Variants in STXBP5 observed in about 807,000 individuals in gnomAD.
STXBP5 encodes the protein syntaxin binding protein 5, also known as syntaxin-binding protein 5.
In STXBP5, 50 loss-of-function variants were observed where a neutral mutation model predicts 152.4. That is an observed-to-expected ratio of 0.33 (90% CI 0.26 to 0.42). The LOEUF is 0.42. STXBP5 is among the 10% of genes least tolerant of loss of function. The probability of loss-of-function intolerance (pLI) is 1.00; values close to 1 mark genes in which losing one functional copy is unlikely to be tolerated. For missense variants in STXBP5, 1,167 were observed against 1,388.6 expected (o/e 0.84, Z 2.54); for synonymous variants, 492 against 494.7 (o/e 0.99, Z 0.07).
chr6:147,339,943 T>A (rs1433689528), intron 21 of STXBP5, among the ~76,000 whole-genome samples: 1 of 152,104 alleles, frequency 6.6e-6, no homozygotes, highest in Non-Finnish European at 1.5e-5. Context: ...GATGAATTGC[T>A]CAGTCCAAAG....
At position 147,276,288 on chromosome 6, in the gene STXBP5, G is replaced by A. The variant is rs146443360; in HGVS notation, c.715-1793G>A. Among the ~76,000 whole-genome samples the A allele has an allele frequency of 2.7e-3, 417 of 152,166 alleles. 1 individual carries two copies. Among genetic ancestry groups the A allele is most frequent in the African/African-American group, 9.4e-3 (392 of 41,508 alleles). On this transcript the variant is annotated intron_variant, in intron 7 of 27. Transcript: ENST00000321680. The stretch of plus-strand genomic sequence containing the variant: ...AGTAAATACTGCATGTTTGTTGCAT[G>A]TCCATATTTGGTTATTTCTTTGCTT...
chr6:147,230,555 G>A (rs1346463944), intron 2 of STXBP5, among the ~76,000 whole-genome samples: 2 of 151,886 alleles, frequency 1.3e-5, no homozygotes, highest in Admixed American at 6.6e-5. Flanking sequence ...GTACCCAGTT[G>A]TGAAACGTTG....
At chr6:147,381,495 T>TA (rs1393334881) in intron 26 of STXBP5, among the ~76,000 whole-genome samples, 5 of 152,074 alleles carry the variant, frequency 3.3e-5, no homozygotes, top group African/African-American at 4.8e-5. Flanking sequence ...AAATTAAACA[T>TA]ACAGTTATCA....
At chr6:147,247,082 T>TA (rs1484496707) in intron 4 of STXBP5, among the ~76,000 whole-genome samples, 3 of 152,324 alleles carry the variant, frequency 2.0e-5, no homozygotes, top group Admixed American at 2.0e-4. Flanking sequence ...GACATAACCT[T>TA]AGACAGTTAT....
chr6:147,213,356 C>T (rs1445844692), intron 2 of STXBP5, among the ~76,000 whole-genome samples: 4 of 150,684 alleles, frequency 2.7e-5, no homozygotes, highest in Non-Finnish European at 5.9e-5. Context: ...CGGGCTCAAA[C>T]GATCTTCCTG....
chr6:147,268,620 A>G (rs1304043738), intron 7 of STXBP5, among the ~76,000 whole-genome samples: 2 of 152,194 alleles, frequency 1.3e-5, no homozygotes, highest in African/African-American at 4.8e-5. Context: ...TACAGTTCCT[A>G]TCATTTCTGT....
rs921249658 is a variant in STXBP5 at position 147,204,975 on chromosome 6, A to G, written c.150+293A>G. ...CCTTTAATCGTATTCTGACACTGCC[A>G]GTAATAACCTGGAAGCTTTTATATT... On this transcript the variant is annotated intron_variant, in intron 1 of 27. Coordinates refer to ENST00000321680, the MANE Select transcript of STXBP5 (RefSeq NM_001127715.4). This position sits in a 1 kb window ranked among gnomAD's most constrained non-coding sequence, Gnocchi z 4.3. 6.6e-6 allele frequency among the ~76,000 whole-genome samples: 1 copy of G among 152,184 alleles called. No individual in the cohort carries two copies. Among genetic ancestry groups the G allele is most frequent in the African/African-American group, 2.4e-5 (1 of 41,446 alleles).
chr6:147,277,644 A>G (rs1032626812), intron 7 of STXBP5, among the ~76,000 whole-genome samples: 7 of 152,254 alleles, frequency 4.6e-5, no homozygotes, highest in Admixed American at 1.3e-4. Context: ...ATTGATCTTA[A>G]TTCCAAATCT....
In STXBP5 at chr6:147,387,565, G is replaced by A. The variant is rs1786400441; in HGVS notation, c.*2810G>A. ...GAAATCTTATATTCTGACAAATTCT[G>A]TACATTACATCCATTTGAAGTTTTG... On this transcript the variant is annotated 3_prime_UTR_variant, in exon 28 of 28. Coordinates refer to ENST00000321680, the MANE Select transcript of STXBP5 (RefSeq NM_001127715.4). 1.3e-5 allele frequency: 2 copies of A among 151,698 alleles called. No individual in the cohort carries two copies. Among genetic ancestry groups the A allele is most frequent in the African/African-American group, 4.8e-5 (2 of 41,374 alleles). 9.4% of individuals were successfully genotyped at this position (151,698 alleles called of 1,614,324 possible). A position where few individuals can be genotyped will look rare whatever the true frequency, so the allele number is the denominator to read the frequency against.
At position 147,386,340 on chromosome 6, in the gene STXBP5, A is replaced by T. The variant is rs898562351; in HGVS notation, c.*1585A>T. ...GATGGTTGTTTTTCTATTCTATATG[A>T]TCATTAAAGGAATATGTAGGACATC... On this transcript the variant is annotated 3_prime_UTR_variant, in exon 28 of 28. Coordinates refer to ENST00000321680, the MANE Select transcript of STXBP5 (RefSeq NM_001127715.4). 1 of 151,858 alleles carries T rather than the reference A, an allele frequency of 6.6e-6. No homozygotes were observed. The highest frequency in any genetic ancestry group is 2.4e-5 in the African/African-American group (1 of 41,408). 9.4% of individuals were successfully genotyped at this position (151,858 alleles called of 1,614,324 possible).
Position 147,228,419 on chromosome 6 carries a change from A to G in STXBP5, c.249-6831A>G, listed in dbSNP as rs551827371. ...TTTTTTTTGTTTCTTTTTACCTGGAAGTCTGTAGGAAGCCTTAAGGAACAT... is the reference window on the plus strand; with the variant it reads ...TTTTTTTTGTTTCTTTTTACCTGGAGGTCTGTAGGAAGCCTTAAGGAACAT... On this transcript the variant is annotated intron_variant, in intron 2 of 27. Transcript: ENST00000321680. 1.2e-3 allele frequency among the ~76,000 whole-genome samples: 180 copies of G among 152,000 alleles called. 2 individuals carry two copies. The highest frequency in any genetic ancestry group is 4.1e-3 in the African/African-American group (171 of 41,462).
Position 147,360,151 on chromosome 6 carries a change from G to A in STXBP5, c.2545+828G>A, listed in dbSNP as rs1036647347. Among the ~76,000 whole-genome samples, 3 of 152,076 alleles carry A rather than the reference G, an allele frequency of 2.0e-5. No individual in the cohort carries two copies. The East Asian group carries it at 5.8e-4, about 29-fold the overall frequency. ...TCATTAAAAAGTCAGGAAACAACAG[G>A]TGCTGGAGAGGATGTGGAGAAATAG... is the stretch of plus-strand genomic sequence containing the variant. On this transcript the variant is annotated intron_variant, in intron 23 of 27. Coordinates refer to ENST00000321680, the MANE Select transcript of STXBP5 (RefSeq NM_001127715.4).
chr6:147,229,535 A>G (rs1777889738), intron 2 of STXBP5, among the ~76,000 whole-genome samples: 2 of 151,756 alleles, frequency 1.3e-5, no homozygotes. Flanking sequence ...TCATTTATTT[A>G]GGGTTTCTTT....
At chr6:147,292,534 A>G (rs1399209837) in intron 9 of STXBP5, 1 of 154,244 alleles carries the variant, frequency 6.5e-6, no homozygotes, top group African/African-American at 2.4e-5. Context: ...CCATTTTTTT[A>G]AGGAAATCCC....
At chr6:147,296,734 A>G (rs1397419880) in intron 9 of STXBP5, among the ~76,000 whole-genome samples, 2 of 152,204 alleles carry the variant, frequency 1.3e-5, no homozygotes, top group East Asian at 3.9e-4. Context: ...ACAATTCAAC[A>G]AAATCAGAAA....
chr6:147,341,749 A>G (rs1562257421), intron 21 of STXBP5, among the ~76,000 whole-genome samples: 1 of 151,898 alleles, frequency 6.6e-6, no homozygotes, highest in Non-Finnish European at 1.5e-5. Context: ...AGCATGGGAA[A>G]TCAACCACCC....
At chr6:147,358,766 A>G (rs1784925047) in intron 22 of STXBP5, among the ~76,000 whole-genome samples, 2 of 152,150 alleles carry the variant, frequency 1.3e-5, no homozygotes, top group South Asian at 4.1e-4. Flanking sequence ...GAGAAAACGT[A>G]TTTACTATTC....
intron 2 of STXBP5, among the ~76,000 whole-genome samples, chr6:147,229,893 G>C (rs1777910097): frequency 6.6e-6 from 1 of 151,606 alleles, no homozygotes; most frequent in Non-Finnish European, 1.5e-5. Flanking sequence ...ATTCCATGTT[G>C]AGTAGATGAG....
At position 147,338,225 on chromosome 6, in the gene STXBP5, C is replaced by T. The variant is rs141793010; in HGVS notation, c.2147-954C>T. Among the ~76,000 whole-genome samples the T allele has an allele frequency of 2.0e-3, 310 of 152,124 alleles. 5 individuals carry two copies. The East Asian group carries it at 0.037, about 18-fold the overall frequency. ...ATACAAAAATGAATCAAATGTGGGC[C>T]CTGCCTTTTGGAAGTTCATTCCAGT... On this transcript the variant is annotated intron_variant, in intron 19 of 27. Coordinates refer to ENST00000321680, the MANE Select transcript of STXBP5 (RefSeq NM_001127715.4).
Sources: gnomAD v4.1 joint callset for allele counts (sites outside exome capture counted in the v4.1 genomes callset) on GRCh38, gnomAD v4.1.1 for gene constraint, Gnocchi (gnomAD v3.1) non-coding constraint, MANE v1.5 for transcripts, NCBI Gene and HGNC (gene_info 2026-07-23, HGNC 2026-07-21) for gene names.